The following ATXN1 variants were observed in gnomAD, a reference collection of about 807,000 sequenced individuals.
ATXN1 encodes the protein ataxin 1, also known as ataxin-1.
Under a neutral mutation model 56.4 loss-of-function variants are expected in ATXN1, and 8 were observed. The observed-to-expected ratio is 0.14, with a 90% CI of 0.08 to 0.26. The LOEUF is 0.26. Ranked by LOEUF, ATXN1 falls within the 10% of genes least tolerant of loss-of-function variation. The pLI is 1.00. For synonymous variants in ATXN1, 514 were observed against 494.6 expected (o/e 1.04, Z -0.52); for missense variants, 987 against 1,106.5 (o/e 0.89, Z 1.53).
chr6:16,369,992 A>G (rs1226509192), intron 6 of ATXN1, among the ~76,000 whole-genome samples: 1 of 152,240 alleles, frequency 6.6e-6, no homozygotes, highest in African/African-American at 2.4e-5. Context: ...CATAAAGAGA[A>G]CATCTGCATC....
chr6:16,398,562 ACT>A (rs1425308419), intron 6 of ATXN1, among the ~76,000 whole-genome samples: 1 of 152,082 alleles, frequency 6.6e-6, no homozygotes, highest in Non-Finnish European at 1.5e-5. Flanking sequence ...ACATGTGTGC[ACT>A]CTCTATATAC....
At chr6:16,596,169 A>C (rs1458299589) in intron 3 of ATXN1, among the ~76,000 whole-genome samples, 1 of 151,652 alleles carries the variant, frequency 6.6e-6, no homozygotes, top group Non-Finnish European at 1.5e-5. Flanking sequence ...GCTAATTTTT[A>C]CTTATTTTTT....
chr6:16,751,196 T>G lies in ATXN1; in HGVS notation c.-615+2037A>C, dbSNP rs567496436. 2.0e-5 allele frequency among the ~76,000 whole-genome samples: 3 copies of G among 152,250 alleles called. No individual in the cohort carries two copies. In the South Asian group the frequency reaches 6.2e-4, roughly 32 times the overall value. ...GTTGGCCAGGCTGGTCTCAAACTCC[T>G]GACCTCAAGTGATTCACCCACCTCA... On this transcript the variant is annotated intron_variant, in intron 2 of 7. Coordinates refer to ENST00000436367, the MANE Select transcript of ATXN1 (RefSeq NM_001128164.2).
chr6:16,667,823 C>T (rs1758457551), intron 2 of ATXN1, among the ~76,000 whole-genome samples: 1 of 152,202 alleles, frequency 6.6e-6, no homozygotes, highest in Non-Finnish European at 1.5e-5. Flanking sequence ...TTTCCTTCTG[C>T]TAACCCACAA....
chr6:16,331,262 A>C (rs1760985460), intron 6 of ATXN1, among the ~76,000 whole-genome samples: 1 of 152,038 alleles, frequency 6.6e-6, no homozygotes, highest in African/African-American at 2.4e-5. Context: ...CTACCTCCCA[A>C]AGTGCTGGGA....
chr6:16,355,458 T>A (rs1227651031), intron 6 of ATXN1, among the ~76,000 whole-genome samples: 1 of 152,180 alleles, frequency 6.6e-6, no homozygotes, highest in African/African-American at 2.4e-5. Flanking sequence ...GTGTCGACCC[T>A]GATGGATGAG....
chr6:16,304,767 A>G lies in ATXN1; in HGVS notation c.*1562T>C, dbSNP rs1161656799. The G allele has an allele frequency of 6.5e-6, 1 of 152,692 alleles. No homozygotes were observed. The highest frequency in any genetic ancestry group is 1.5e-5 in the Non-Finnish European group (1 of 68,044). 9.5% of individuals were successfully genotyped at this position (152,692 alleles called of 1,614,324 possible). A position where few individuals can be genotyped will look rare whatever the true frequency, so the allele number is the denominator to read the frequency against. ...ATGTTATTGGATAAAAACTGCAGGA[A>G]TATCACACAAGTTATAAACTCAATA... On this transcript the variant is annotated 3_prime_UTR_variant, in exon 8 of 8. Transcript: ENST00000436367.
rs1385063953 is a variant in ATXN1 at position 16,410,062 on chromosome 6, T to C, written c.-161+75910A>G. Among the ~76,000 whole-genome samples, 1 of 152,168 alleles carries C rather than the reference T, an allele frequency of 6.6e-6. No individual in the cohort carries two copies. Among genetic ancestry groups the C allele is most frequent in the African/African-American group, 2.4e-5 (1 of 41,444 alleles). On this transcript the variant is annotated intron_variant, in intron 6 of 7. Transcript: ENST00000436367. The surrounding 1 kb of genome is among the most constrained non-coding windows in gnomAD (Gnocchi z 4.6). ...AATCACCAGACGTGCATGGAGAGCA[T>C]GAGCTGAACGACCGTCGTGATAGGC...
chr6:16,615,819 G>A (rs1227776879), intron 3 of ATXN1: 1 of 151,744 alleles, frequency 6.6e-6, no homozygotes, highest in Non-Finnish European at 1.5e-5. Flanking sequence ...GATCACTTGA[G>A]GTCAGGAGTT....
intron 2 of ATXN1, among the ~76,000 whole-genome samples, chr6:16,698,621 C>T (rs977771956): frequency 5.5e-5 from 7 of 127,178 alleles, no homozygotes; most frequent in African/African-American, 1.5e-4. Flanking sequence ...ATTTTCAAGG[C>T]AAAGTATTTT....
intron 2 of ATXN1, among the ~76,000 whole-genome samples, chr6:16,745,227 C>T (rs565841613): frequency 6.6e-6 from 1 of 152,302 alleles, no homozygotes; most frequent in East Asian, 1.9e-4. Flanking sequence ...TCAGAGCAAG[C>T]TCCCTCTAAC....
chr6:16,548,727 C>G (rs1043171435), intron 4 of ATXN1, among the ~76,000 whole-genome samples: 1 of 151,804 alleles, frequency 6.6e-6, no homozygotes, highest in Non-Finnish European at 1.5e-5. Flanking sequence ...AGTTTGAGAC[C>G]AGCCTGACCA....
intron 3 of ATXN1, among the ~76,000 whole-genome samples, chr6:16,588,838 C>G (rs115504894): frequency 1.3e-5 from 2 of 152,118 alleles, no homozygotes; most frequent in African/African-American, 4.8e-5. Flanking sequence ...AAGGTCATCC[C>G]TTAATCATAC....
chr6:16,682,595 A>G (rs1417360488), intron 2 of ATXN1, among the ~76,000 whole-genome samples: 3 of 152,188 alleles, frequency 2.0e-5, no homozygotes, highest in Non-Finnish European at 4.4e-5. Flanking sequence ...AGGAACATGT[A>G]AAAGTGGCAT....
At chr6:16,430,236 C>G (rs980667209) in intron 6 of ATXN1, among the ~76,000 whole-genome samples, 52 of 151,902 alleles carry the variant, frequency 3.4e-4, no homozygotes, top group African/African-American at 1.3e-3. Context: ...CTGAATCCCC[C>G]ACATCTCTGA....
At chr6:16,617,776 A>AAAAAAAG (rs1315169877) in intron 3 of ATXN1, among the ~76,000 whole-genome samples, 4 of 151,492 alleles carry the variant, frequency 2.6e-5, no homozygotes, top group South Asian at 2.1e-4. Context: ...CAAAAAAAAA[A>AAAAAAAG]AAAAAAGAAA....
At chr6:16,398,580 C>T (rs1758501319) in intron 6 of ATXN1, among the ~76,000 whole-genome samples, 1 of 152,134 alleles carries the variant, frequency 6.6e-6, no homozygotes, top group South Asian at 2.1e-4. Context: ...TATACACATA[C>T]ATATGCACAA....
At chr6:16,329,675 C>T (rs142517) in intron 6 of ATXN1, among the ~76,000 whole-genome samples, 42,882 of 152,176 alleles carry the variant, frequency 0.28, 7,549 homozygotes, top group Non-Finnish European at 0.39. Flanking sequence ...CACACCGTCC[C>T]CTTTCTCATT....
chr6:16,315,030 G>C (rs1581683660), intron 7 of ATXN1, among the ~76,000 whole-genome samples: 1 of 152,216 alleles, frequency 6.6e-6, no homozygotes, highest in Non-Finnish European at 1.5e-5. Flanking sequence ...GTATCTATTG[G>C]TTAAGACCTA....
Sources: allele counts gnomAD v4.1 joint callset (sites outside exome capture counted in the v4.1 genomes callset), GRCh38; gene constraint gnomAD v4.1.1; non-coding constraint Gnocchi (gnomAD v3.1); transcripts MANE v1.5; gene names NCBI Gene and HGNC (gene_info 2026-07-23, HGNC 2026-07-21).